The following GAP43 variants were observed in gnomAD, a reference collection of about 807,000 sequenced individuals.
The protein encoded by GAP43 is growth associated protein 43, also known as neuromodulin.
A neutral mutation model predicts 18.6 loss-of-function variants in GAP43; 6 were observed. The observed-to-expected ratio is 0.32, with a 90% CI of 0.18 to 0.64. The LOEUF is 0.64. Ranked by LOEUF, GAP43 falls within the 30% of genes least tolerant of loss-of-function variation. The pLI is 0.78. For synonymous variants in GAP43, 115 were observed against 111.4 expected (o/e 1.03, Z -0.20); for missense variants, 292 against 295.5 (o/e 0.99, Z 0.09).
At chr3:115,700,510 A>G (rs186760855) in intron 2 of GAP43, among the ~76,000 whole-genome samples, 2 of 152,282 alleles carry the variant, frequency 1.3e-5, no homozygotes, top group African/African-American at 4.8e-5. Context: ...CATAGCATAG[A>G]GTCTTCCTAG....
At chr3:115,710,433 T>C (rs538530201) in intron 2 of GAP43, among the ~76,000 whole-genome samples, 1 of 152,290 alleles carries the variant, frequency 6.6e-6, no homozygotes, top group East Asian at 1.9e-4. Context: ...TTAAAACTGA[T>C]TTATGGAGTT....
intron 1 of GAP43, among the ~76,000 whole-genome samples, chr3:115,642,306 A>G (rs978982679): frequency 3.9e-5 from 6 of 151,978 alleles, no homozygotes; most frequent in African/African-American, 7.2e-5. Context: ...TAGACACAAT[A>G]TCTCCTCTAA....
chr3:115,719,675 C>T (rs374955646), intron 2 of GAP43, among the ~76,000 whole-genome samples: 2 of 152,300 alleles, frequency 1.3e-5, no homozygotes, highest in African/African-American at 2.4e-5. Context: ...TTTGCCCATG[C>T]GCAACTTTCA....
chr3:115,641,421 CAT>C (rs1235656427), intron 1 of GAP43, among the ~76,000 whole-genome samples: 8 of 149,838 alleles, frequency 5.3e-5, no homozygotes, highest in African/African-American at 1.7e-4. Context: ...TAGGGGTGTG[CAT>C]ATATATACAC....
At chr3:115,710,943 T>C (rs918731537) in intron 2 of GAP43, among the ~76,000 whole-genome samples, 7 of 152,170 alleles carry the variant, frequency 4.6e-5, no homozygotes, top group Non-Finnish European at 1.0e-4. Flanking sequence ...GGCATAAAGA[T>C]AAAGCATGTT....
chr3:115,666,284 T>A (rs1708732055), intron 1 of GAP43, among the ~76,000 whole-genome samples: 1 of 152,156 alleles, frequency 6.6e-6, no homozygotes, highest in Admixed American at 6.5e-5. Context: ...ATGGCACATT[T>A]TACATGGTTT....
rs1015962647 is a variant in GAP43 at position 115,677,316 on chromosome 3, C to G, written c.628+706C>G. ...TGTTGTGAAGTCAAACATAAATAATCATTTTATTATTGAAGACACGACTTT... is the reference window on the plus strand; with the variant it reads ...TGTTGTGAAGTCAAACATAAATAATGATTTTATTATTGAAGACACGACTTT... On this transcript the variant is annotated intron_variant, in intron 2 of 2. Transcript: ENST00000305124. Among the ~76,000 whole-genome samples, 14 of 152,146 alleles carry G rather than the reference C, an allele frequency of 9.2e-5. No homozygotes were observed. In the South Asian group the frequency reaches 1.7e-3, roughly 18 times the overall value.
chr3:115,656,315 G>T (rs975719744), intron 1 of GAP43, among the ~76,000 whole-genome samples: 2 of 152,202 alleles, frequency 1.3e-5, no homozygotes, highest in African/African-American at 4.8e-5. Flanking sequence ...AGAAAATTCT[G>T]AATTGTTTAA....
At chr3:115,710,312 G>A (rs1709418380) in intron 2 of GAP43, among the ~76,000 whole-genome samples, 3 of 151,672 alleles carry the variant, frequency 2.0e-5, no homozygotes, top group African/African-American at 7.3e-5. Context: ...TTTTTACTGT[G>A]AAAATTGAGA....
intron 1 of GAP43, among the ~76,000 whole-genome samples, chr3:115,667,283 G>A (rs1708746264): frequency 6.6e-6 from 1 of 152,160 alleles, no homozygotes; most frequent in Non-Finnish European, 1.5e-5. Flanking sequence ...ATGATCATAA[G>A]AACTAAGAGG....
At chr3:115,719,418 A>G (rs1709550350) in intron 2 of GAP43, among the ~76,000 whole-genome samples, 1 of 152,196 alleles carries the variant, frequency 6.6e-6, no homozygotes. Context: ...CCAGGTGCCT[A>G]AAATCATAGT....
chr3:115,715,273 A>T (rs561693371), intron 2 of GAP43, among the ~76,000 whole-genome samples: 1 of 152,354 alleles, frequency 6.6e-6, no homozygotes, highest in East Asian at 1.9e-4. Flanking sequence ...TGTTTAATAC[A>T]AGTAAAAGTA....
chr3:115,674,850 G>A (rs1309207110), intron 1 of GAP43, among the ~76,000 whole-genome samples: 1 of 152,158 alleles, frequency 6.6e-6, no homozygotes, highest in Non-Finnish European at 1.5e-5. Flanking sequence ...ATAAAATCCT[G>A]ATGGGATTTA....
At chr3:115,682,780 G>T (rs147207763) in intron 2 of GAP43, among the ~76,000 whole-genome samples, 432 of 152,238 alleles carry the variant, frequency 2.8e-3, no homozygotes, top group African/African-American at 9.3e-3. Flanking sequence ...CAGGTGATCC[G>T]CCTGCTTCAG....
chr3:115,712,756 G>A (rs1464618155), intron 2 of GAP43, among the ~76,000 whole-genome samples: 1 of 152,156 alleles, frequency 6.6e-6, no homozygotes, highest in Non-Finnish European at 1.5e-5. Context: ...AATCAGCCTG[G>A]TCTTAGGCCT....
intron 2 of GAP43, among the ~76,000 whole-genome samples, chr3:115,679,289 C>T (rs1334915496): frequency 6.6e-6 from 1 of 152,058 alleles, no homozygotes; most frequent in Non-Finnish European, 1.5e-5. Context: ...TACTTTAATA[C>T]CTATGGAAAT....
At chr3:115,664,502 G>C (rs1708707271) in intron 1 of GAP43, among the ~76,000 whole-genome samples, 1 of 152,106 alleles carries the variant, frequency 6.6e-6, no homozygotes, top group Non-Finnish European at 1.5e-5. Context: ...TAATATGGGT[G>C]ATAAGAAAAC....
chr3:115,653,046 A>G (rs1319305275), intron 1 of GAP43, among the ~76,000 whole-genome samples: 1 of 152,212 alleles, frequency 6.6e-6, no homozygotes, highest in Non-Finnish European at 1.5e-5. Context: ...CACTCAAATG[A>G]GAGGGAAGGC....
intron 1 of GAP43, chr3:115,658,407 C>A (rs13100660): frequency 0.67 from 101,631 of 152,172 alleles, 34,179 homozygotes; most frequent in Admixed American, 0.73. Flanking sequence ...GTTCTGACTC[C>A]ATGAGGCCCT....
Sources: allele counts gnomAD v4.1 joint callset (sites outside exome capture counted in the v4.1 genomes callset), GRCh38; gene constraint gnomAD v4.1.1; transcripts MANE v1.5; gene names NCBI Gene and HGNC (gene_info 2026-07-23, HGNC 2026-07-21).